Variants in PRKG1 observed in about 807,000 individuals in gnomAD.
PRKG1 encodes the protein protein kinase cGMP-dependent 1, also known as cGMP-dependent protein kinase 1.
In PRKG1, 35 loss-of-function variants were observed where a neutral mutation model predicts 88.1. That is an observed-to-expected ratio of 0.40 (90% CI 0.30 to 0.53). PRKG1 has a LOEUF of 0.53. Ranked by LOEUF, PRKG1 falls within the 20% of genes least tolerant of loss-of-function variation. PRKG1 has a pLI of 0.59. For missense variants in PRKG1, 540 were observed against 839.8 expected, an observed-to-expected ratio of 0.64 and a Z score of 4.41; for synonymous variants, 303 against 292.5, an observed-to-expected ratio of 1.04 and a Z score of -0.37.
intron 9 of PRKG1, among the ~76,000 whole-genome samples, chr10:52,220,458 TGTATATAGGTAAACTTGTGTCATGGGG>T (rs911298505): frequency 2.0e-5 from 3 of 152,048 alleles, no homozygotes; most frequent in African/African-American, 7.2e-5. Flanking sequence ...TGTGCAGATT[TGTATATAGGTAAACTTGTGTCATGGGG>T]GTATGTCGTA....
intron 7 of PRKG1, among the ~76,000 whole-genome samples, chr10:52,064,507 C>T (rs114203989): frequency 6.6e-6 from 1 of 152,300 alleles, no homozygotes; most frequent in African/African-American, 2.4e-5. Flanking sequence ...AGCTCCTAGT[C>T]CCCCAACAGC....
intron 2 of PRKG1, among the ~76,000 whole-genome samples, chr10:51,457,726 G>A (rs562706389): frequency 7.2e-5 from 11 of 152,284 alleles, no homozygotes; most frequent in African/African-American, 2.2e-4. Context: ...TCTATATTTT[G>A]TTTATTCAGT....
At chr10:52,024,295 A>T (rs1347167098) in intron 5 of PRKG1, among the ~76,000 whole-genome samples, 2 of 128,760 alleles carry the variant, frequency 1.6e-5, no homozygotes, top group Non-Finnish European at 1.6e-5. Context: ...TTATTTATTT[A>T]TTCATTTATT....
intron 9 of PRKG1, among the ~76,000 whole-genome samples, chr10:52,188,327 TAC>T (rs1235153563): frequency 1.4e-5 from 2 of 142,984 alleles, no homozygotes; most frequent in Admixed American, 7.1e-5. Flanking sequence ...TGTATATATA[TAC>T]ACATATATAT....
At chr10:51,409,993 C>T (rs1005999874) in intron 2 of PRKG1, among the ~76,000 whole-genome samples, 6 of 151,886 alleles carry the variant, frequency 4.0e-5, no homozygotes, top group African/African-American at 1.5e-4. Flanking sequence ...CCACTGGCAC[C>T]TCAAGCACCA....
At chr10:51,971,513 T>A (rs1338325465) in intron 5 of PRKG1, among the ~76,000 whole-genome samples, 1 of 152,094 alleles carries the variant, frequency 6.6e-6, no homozygotes, top group Non-Finnish European at 1.5e-5. Flanking sequence ...AGTTTCTCTT[T>A]TTTTATCTTA....
intron 2 of PRKG1, among the ~76,000 whole-genome samples, chr10:51,206,025 T>C (rs2132063947): frequency 6.6e-6 from 1 of 152,294 alleles, no homozygotes; most frequent in Admixed American, 6.5e-5. Flanking sequence ...ATAATTTACA[T>C]TCAAAGTGTT....
chr10:51,122,518 T>G (rs1216488281), intron 1 of PRKG1, among the ~76,000 whole-genome samples: 1 of 152,142 alleles, frequency 6.6e-6, no homozygotes, highest in Non-Finnish European at 1.5e-5. Flanking sequence ...GTGATTAAGA[T>G]TTGGTCTCTG....
intron 4 of PRKG1, among the ~76,000 whole-genome samples, chr10:51,822,741 A>G (rs1273999748): frequency 1.3e-5 from 2 of 152,176 alleles, no homozygotes; most frequent in Non-Finnish European, 2.9e-5. Flanking sequence ...GAGTCAGTCC[A>G]ATGTGGTCAT....
At chr10:51,716,192 G>A (rs1841881389) in intron 3 of PRKG1, among the ~76,000 whole-genome samples, 1 of 152,134 alleles carries the variant, frequency 6.6e-6, no homozygotes, top group Non-Finnish European at 1.5e-5. Context: ...TGTGGGGAGT[G>A]GGAGAGAATT....
At chr10:52,236,096 TA>T (rs1193577489) in intron 9 of PRKG1, among the ~76,000 whole-genome samples, 3 of 98,820 alleles carry the variant, frequency 3.0e-5, no homozygotes, top group Non-Finnish European at 6.0e-5. Flanking sequence ...AAGGCAGAAA[TA>T]AAGATGTTCT....
chr10:51,362,018 A>G (rs990162769), intron 2 of PRKG1, among the ~76,000 whole-genome samples: 1 of 151,974 alleles, frequency 6.6e-6, no homozygotes, highest in Non-Finnish European at 1.5e-5. Context: ...AGAGTAAGTT[A>G]TTAAAAAAAC....
At chr10:52,181,152 A>G (rs1839015163) in intron 9 of PRKG1, among the ~76,000 whole-genome samples, 1 of 152,134 alleles carries the variant, frequency 6.6e-6, no homozygotes, top group South Asian at 2.1e-4. Context: ...TCTCAGGACC[A>G]GAATGGGGTT....
intron 3 of PRKG1, among the ~76,000 whole-genome samples, chr10:51,537,754 C>T (rs1006128730): frequency 5.5e-4 from 81 of 148,586 alleles, no homozygotes; most frequent in African/African-American, 1.7e-3. Flanking sequence ...AAAAATTACT[C>T]GGGGAGCTTT....
chr10:51,397,961 G>A (rs918909371), intron 2 of PRKG1, among the ~76,000 whole-genome samples: 41 of 152,202 alleles, frequency 2.7e-4, no homozygotes, highest in African/African-American at 9.2e-4. Flanking sequence ...TCTATTGGCA[G>A]CAGTTGATAT....
chr10:51,490,647 A>T (rs1840681670), intron 3 of PRKG1, among the ~76,000 whole-genome samples: 1 of 152,154 alleles, frequency 6.6e-6, no homozygotes, highest in Non-Finnish European at 1.5e-5. Flanking sequence ...ACAGTGTGAC[A>T]AGAAAGCAAA....
intron 3 of PRKG1, among the ~76,000 whole-genome samples, chr10:51,476,563 C>A (rs181668571): frequency 1.1e-3 from 173 of 151,918 alleles, no homozygotes; most frequent in Non-Finnish European, 2.0e-3. Flanking sequence ...TGAGTGGGAT[C>A]AAACAGCATT....
At chr10:51,415,605 G>C (rs1415040510) in intron 2 of PRKG1, among the ~76,000 whole-genome samples, 1 of 152,134 alleles carries the variant, frequency 6.6e-6, no homozygotes, top group Non-Finnish European at 1.5e-5. Context: ...GGCAGAAAAG[G>C]ATTATTGATC....
chr10:52,131,081 G>A (rs1310976428), intron 7 of PRKG1, among the ~76,000 whole-genome samples: 1 of 152,108 alleles, frequency 6.6e-6, no homozygotes, highest in Non-Finnish European at 1.5e-5. Flanking sequence ...AGGGAATGGA[G>A]GTGGGTTTAA....
Sources: gnomAD v4.1 joint callset for allele counts (sites outside exome capture counted in the v4.1 genomes callset) on GRCh38, gnomAD v4.1.1 for gene constraint, MANE v1.5 for transcripts, NCBI Gene and HGNC (gene_info 2026-07-23, HGNC 2026-07-21) for gene names.